RASGEF1A: variants seen among roughly 807,000 people sequenced by gnomAD.
RASGEF1A encodes the protein RasGEF domain family member 1A.
A neutral mutation model predicts 56.4 loss-of-function variants in RASGEF1A; 18 were observed. The ratio of observed to expected loss-of-function variants is 0.32; its 90% CI spans 0.22 to 0.47. The LOEUF is 0.47. RASGEF1A is among the 20% of genes least tolerant of loss of function. The pLI is 1.00. For synonymous variants in RASGEF1A, 245 were observed against 242.6 expected, an observed-to-expected ratio of 1.01 and a Z score of -0.09; for missense variants, 422 against 627.1, an observed-to-expected ratio of 0.67 and a Z score of 3.49.
intron 1 of RASGEF1A, among the ~76,000 whole-genome samples, chr10:43,242,504 C>T (rs1840513593): frequency 1.3e-5 from 2 of 152,102 alleles, no homozygotes; most frequent in Admixed American, 1.3e-4. Context: ...CCCTCTCCCT[C>T]TCCCTCTCCC....
At chr10:43,234,007 C>T (rs866359015) in intron 1 of RASGEF1A, among the ~76,000 whole-genome samples, 2 of 152,144 alleles carry the variant, frequency 1.3e-5, no homozygotes, top group South Asian at 4.1e-4. Flanking sequence ...CTAAGGTTGG[C>T]CCCACGTGGA....
Position 43,197,818 on chromosome 10 carries a change from C to T in RASGEF1A, c.1224+186G>A, listed in dbSNP as rs1030878434. On this transcript the variant is annotated intron_variant, in intron 10 of 12. Transcript: ENST00000395810. Reference sequence around the variant, plus strand: ...CCATCCACCCAGAAGTACCGGCAGGCGCACCTCATACCTTGCAGTCAAACA... The same window carrying T: ...CCATCCACCCAGAAGTACCGGCAGGTGCACCTCATACCTTGCAGTCAAACA... Among the ~76,000 whole-genome samples, 4 of 152,284 alleles carry T rather than the reference C, an allele frequency of 2.6e-5. No individual in the cohort carries two copies. In the South Asian group the frequency reaches 8.3e-4, roughly 32 times the overall value.
rs79925105 is a variant in RASGEF1A, at chr10:43,221,546, G to C, written c.-6-15424C>G. 2.4e-4 allele frequency among the ~76,000 whole-genome samples: 36 copies of C among 152,360 alleles called. No individual in the cohort carries two copies. The East Asian group carries it at 6.8e-3, about 29-fold the overall frequency. On this transcript the variant is annotated intron_variant, in intron 1 of 12. Transcript: ENST00000395810. ...TGTGCTACCCAGGGCAACCAGCACA[G>C]GGCTCCGGAGAAGGAGAATGGTGTG...
chr10:43,253,209 C>A (rs535243969), intron 1 of RASGEF1A, among the ~76,000 whole-genome samples: 154 of 152,322 alleles, frequency 1.0e-3, no homozygotes, highest in African/African-American at 3.6e-3. Flanking sequence ...ACCACCTCAT[C>A]CTGATGTGTT....
At chr10:43,257,330 T>A (rs2133229279) in intron 1 of RASGEF1A, among the ~76,000 whole-genome samples, 1 of 152,340 alleles carries the variant, frequency 6.6e-6, no homozygotes, top group South Asian at 2.1e-4. Flanking sequence ...CTGGGCCCAC[T>A]TGTGTCTAGA....
chr10:43,238,103 A>T (rs370321745), intron 1 of RASGEF1A, among the ~76,000 whole-genome samples: 1 of 54,390 alleles, frequency 1.8e-5, no homozygotes, highest in Non-Finnish European at 3.8e-5. Flanking sequence ...GGGCGGAGGG[A>T]GGGGGGGTGC....
At chr10:43,237,767 C>T (rs372263883) in intron 1 of RASGEF1A, among the ~76,000 whole-genome samples, 2 of 152,122 alleles carry the variant, frequency 1.3e-5, no homozygotes, top group Admixed American at 6.5e-5. Context: ...AGGGATCCCA[C>T]GACACCCAGC....
At chr10:43,209,882 C>T (rs1840042685) in intron 1 of RASGEF1A, among the ~76,000 whole-genome samples, 1 of 152,128 alleles carries the variant, frequency 6.6e-6, no homozygotes, top group Admixed American at 6.5e-5. Context: ...AGTACCTTCT[C>T]CTGAGCCAGA....
chr10:43,210,592 G>T (rs926005954), intron 1 of RASGEF1A, among the ~76,000 whole-genome samples: 8 of 152,226 alleles, frequency 5.3e-5, no homozygotes, highest in Non-Finnish European at 1.0e-4. Flanking sequence ...GATTTAACTG[G>T]TCTCAGGGGC....
intron 1 of RASGEF1A, among the ~76,000 whole-genome samples, chr10:43,215,274 C>A (rs956645409): frequency 6.6e-6 from 1 of 152,144 alleles, no homozygotes; most frequent in African/African-American, 2.4e-5. Context: ...CCTCTGCCAG[C>A]CTTGGCAGGG....
At chr10:43,211,833 G>C (rs948013598) in intron 1 of RASGEF1A, among the ~76,000 whole-genome samples, 33 of 152,332 alleles carry the variant, frequency 2.2e-4, no homozygotes, top group African/African-American at 7.9e-4. Flanking sequence ...GAAGCCTCTG[G>C]GTGGCCCTAA....
chr10:43,220,680 G>A (rs910906711), intron 1 of RASGEF1A, among the ~76,000 whole-genome samples: 4 of 152,124 alleles, frequency 2.6e-5, no homozygotes, highest in African/African-American at 9.7e-5. Context: ...AGCTACTCCA[G>A]AGGCTGAGGC....
chr10:43,237,732 T>A (rs61845681), intron 1 of RASGEF1A, among the ~76,000 whole-genome samples: 3 of 106,916 alleles, frequency 2.8e-5, no homozygotes, highest in East Asian at 1.6e-3. Flanking sequence ...GGCTCCGCTC[T>A]CCCCAAACTC....
intron 1 of RASGEF1A, among the ~76,000 whole-genome samples, chr10:43,226,924 C>T (rs566830002): frequency 9.5e-4 from 144 of 152,322 alleles, no homozygotes; most frequent in African/African-American, 2.6e-3. Flanking sequence ...GGAAGACAGA[C>T]ACAACTCCAT....
intron 1 of RASGEF1A, chr10:43,207,928 C>T: frequency 1.5e-6 from 1 of 669,420 alleles, no homozygotes; most frequent in Non-Finnish European, 1.8e-6. Flanking sequence ...GTGTCACCAC[C>T]TCCAGGAAGC....
chr10:43,226,999 G>A (rs976470573), intron 1 of RASGEF1A, among the ~76,000 whole-genome samples: 3 of 152,210 alleles, frequency 2.0e-5, no homozygotes, highest in African/African-American at 4.8e-5. Context: ...CGGAGGTGGG[G>A]AACTAACTCT....
chr10:43,258,946 G>A (rs183549194), intron 1 of RASGEF1A, among the ~76,000 whole-genome samples: 544 of 152,246 alleles, frequency 3.6e-3, no homozygotes, highest in Middle Eastern at 0.01. Flanking sequence ...CAGACTCCCC[G>A]GCCAGTGCTC....
intron 3 of RASGEF1A, 41 bp downstream of exon 3, chr10:43,203,257 C>G (rs895517038): frequency 3.9e-6 from 6 of 1,525,296 alleles, no homozygotes; most frequent in Admixed American, 2.0e-5. Flanking sequence ...TCGCCTCCTG[C>G]CCCCTGCCCC....
chr10:43,206,628 T>C (rs1840000327), intron 1 of RASGEF1A: 4 of 989,966 alleles, frequency 4.0e-6, no homozygotes, highest in Non-Finnish European at 4.8e-6. Context: ...ACAGGCTGCA[T>C]GTGCTGCTTC....
Sources: allele counts gnomAD v4.1 joint callset (sites outside exome capture counted in the v4.1 genomes callset), GRCh38; gene constraint gnomAD v4.1.1; transcripts MANE v1.5; gene names NCBI Gene and HGNC (gene_info 2026-07-23, HGNC 2026-07-21).